Variants in MAML3 observed in about 807,000 individuals in gnomAD.
The protein encoded by MAML3 is mastermind like transcriptional coactivator 3, also known as mastermind-like protein 3.
In MAML3, 27 loss-of-function variants were observed where a neutral mutation model predicts 101.9. The observed-to-expected ratio is 0.27, with a 90% confidence interval of 0.20 to 0.37. MAML3 has a LOEUF of 0.37. MAML3 is among the 10% of genes least tolerant of loss of function. The pLI, the probability that MAML3 is intolerant of heterozygous loss-of-function variation, is 1.00. For missense variants in MAML3, 1,316 were observed against 1,444.9 expected (o/e 0.91, Z 1.45); for synonymous variants, 501 against 555.9 (o/e 0.90, Z 1.39).
At chr4:139,773,866 G>C (rs1020173600) in intron 2 of MAML3, among the ~76,000 whole-genome samples, 1 of 152,204 alleles carries the variant, frequency 6.6e-6, no homozygotes, top group African/African-American at 2.4e-5. Flanking sequence ...ACTTGAAGAA[G>C]ATGACTGAGA....
intron 2 of MAML3, among the ~76,000 whole-genome samples, chr4:139,827,536 G>A (rs970477500): frequency 6.6e-6 from 1 of 151,744 alleles, no homozygotes; most frequent in East Asian, 1.9e-4. Flanking sequence ...AGGACTAGGG[G>A]GGAAAAAACA....
chr4:139,960,196 G>A (rs1578617590), intron 1 of MAML3, among the ~76,000 whole-genome samples: 2 of 152,204 alleles, frequency 1.3e-5, no homozygotes, highest in East Asian at 1.9e-4. Flanking sequence ...TTGAATCTTG[G>A]AAGTACACAG....
At chr4:140,076,393 A>C (rs1377875573) in intron 1 of MAML3, among the ~76,000 whole-genome samples, 2 of 152,210 alleles carry the variant, frequency 1.3e-5, no homozygotes, top group Non-Finnish European at 2.9e-5. Context: ...AAGCTCAGGC[A>C]AACTTCCTGG....
At chr4:139,795,101 T>C (rs1730487577) in intron 2 of MAML3, among the ~76,000 whole-genome samples, 1 of 152,210 alleles carries the variant, frequency 6.6e-6, no homozygotes, top group African/African-American at 2.4e-5. Flanking sequence ...GCTGAAGCGA[T>C]GGAAGATTTA....
chr4:139,888,752 G>A, intron 2 of MAML3: 2 of 473,778 alleles, frequency 4.2e-6, no homozygotes, highest in South Asian at 3.0e-5. Flanking sequence ...GCACTCCCAA[G>A]TAAGAAGACT....
rs58270046 is a variant in MAML3 at position 139,863,832 on chromosome 4, G to GTTTTTTTTTTTTTTTT, written c.2079+25509_2079+25524dup. ...TTTCTGTGGTAATACCAGAACATGG[G>GTTTTTTTTTTTTTTTT]TTTTTTTTTTTTTTTTTTTTTTTTG... On this transcript the variant is annotated intron_variant, in intron 2 of 4. Transcript: ENST00000509479. Among the ~76,000 whole-genome samples, 30 of 111,292 alleles carry GTTTTTTTTTTTTTTTT rather than the reference G, an allele frequency of 2.7e-4. 4 individuals are homozygous for GTTTTTTTTTTTTTTTT. Among genetic ancestry groups the GTTTTTTTTTTTTTTTT allele is most frequent in the South Asian group, 1.5e-3 (4 of 2,616 alleles). The allele number at this position is 111,292 out of a possible 152,430, so 73.0% of individuals were successfully genotyped here. A position where few individuals can be genotyped will look rare whatever the true frequency, so the allele number is the denominator to read the frequency against.
At chr4:140,079,279 T>G (rs1392566662) in intron 1 of MAML3, among the ~76,000 whole-genome samples, 1 of 152,162 alleles carries the variant, frequency 6.6e-6, no homozygotes, top group Non-Finnish European at 1.5e-5. Flanking sequence ...ATAGTTCTAT[T>G]AATTAATTAA....
At chr4:139,724,619 T>C (rs1728390816) in intron 4 of MAML3, among the ~76,000 whole-genome samples, 1 of 152,158 alleles carries the variant, frequency 6.6e-6, no homozygotes, top group Middle Eastern at 3.2e-3. Flanking sequence ...TTTGAGAAGC[T>C]AGGACACATT....
intron 1 of MAML3, among the ~76,000 whole-genome samples, chr4:140,114,221 C>CTT (rs1381581443): frequency 2.0e-5 from 3 of 152,162 alleles, no homozygotes; most frequent in African/African-American, 7.2e-5. Flanking sequence ...GCCAATCATA[C>CTT]TTTTGTGTAA....
intron 2 of MAML3, among the ~76,000 whole-genome samples, chr4:139,808,309 C>T (rs1422802236): frequency 1.3e-5 from 2 of 152,236 alleles, no homozygotes; most frequent in African/African-American, 4.8e-5. Flanking sequence ...CTGGTGGCCT[C>T]AATATTTTCA....
intron 2 of MAML3, among the ~76,000 whole-genome samples, chr4:139,854,958 A>G (rs1175358974): frequency 1.3e-5 from 2 of 152,294 alleles, no homozygotes; most frequent in East Asian, 3.9e-4. Context: ...GCCTCCTTCT[A>G]TTTCCTAAAT....
intron 1 of MAML3, among the ~76,000 whole-genome samples, chr4:139,905,902 T>G (rs1034507721): frequency 6.6e-6 from 1 of 152,160 alleles, no homozygotes; most frequent in Non-Finnish European, 1.5e-5. Flanking sequence ...TTTGAGAAAC[T>G]GGGGAGTAGG....
chr4:140,151,335 G>A (rs1729163222), intron 1 of MAML3, among the ~76,000 whole-genome samples: 2 of 152,040 alleles, frequency 1.3e-5, no homozygotes, highest in African/African-American at 4.8e-5. Flanking sequence ...GAGGAGGGAA[G>A]GATTCTTGAA....
At chr4:139,845,510 T>TA (rs1479260216) in intron 2 of MAML3, among the ~76,000 whole-genome samples, 3 of 152,210 alleles carry the variant, frequency 2.0e-5, no homozygotes, top group African/African-American at 7.2e-5. Flanking sequence ...CAGAGAGTTT[T>TA]GATAAATGCT....
chr4:140,078,784 TC>T (rs1191525772), intron 1 of MAML3, among the ~76,000 whole-genome samples: 1 of 151,898 alleles, frequency 6.6e-6, no homozygotes, highest in Non-Finnish European at 1.5e-5. Context: ...CGTGCCGGAC[TC>T]CAAGAAAAGG....
rs56361332 is a variant in MAML3 at position 139,864,923 on chromosome 4, CTTTTT to C, written c.2079+24429_2079+24433del. On this transcript the variant is annotated intron_variant, in intron 2 of 4. Transcript: ENST00000509479. ...TTAGGAAAATAGTAATGCAAACTTGCTTTTTTTTTTTTTTTTTTTTTTTTTTTTTT... is the reference window on the plus strand; with the variant it reads ...TTAGGAAAATAGTAATGCAAACTTGCTTTTTTTTTTTTTTTTTTTTTTTTT... 5.1e-3 allele frequency among the ~76,000 whole-genome samples: 316 copies of C among 62,460 alleles called. 21 individuals carry two copies. Among genetic ancestry groups the C allele is most frequent in the African/African-American group, 0.017 (295 of 17,062 alleles). 41.0% of individuals were successfully genotyped at this position (62,460 alleles called of 152,430 possible). A position where few individuals can be genotyped will look rare whatever the true frequency, so the allele number is the denominator to read the frequency against.
intron 1 of MAML3, among the ~76,000 whole-genome samples, chr4:140,006,657 A>C (rs1420836105): frequency 6.6e-6 from 1 of 152,068 alleles, no homozygotes; most frequent in African/African-American, 2.4e-5. Flanking sequence ...GCAGAAAAAA[A>C]GGTGGTTAGC....
chr4:140,071,210 G>T (rs1727646207), intron 1 of MAML3, among the ~76,000 whole-genome samples: 1 of 152,120 alleles, frequency 6.6e-6, no homozygotes. Flanking sequence ...TGTGTGCACA[G>T]ACTCCGCACA....
intron 1 of MAML3, among the ~76,000 whole-genome samples, chr4:140,051,200 T>G (rs72935742): frequency 1.8e-4 from 28 of 152,290 alleles, no homozygotes; most frequent in African/African-American, 6.7e-4. Flanking sequence ...TACCCTAAAA[T>G]AGACACTGAG....
Sources: gnomAD v4.1 joint callset for allele counts (sites outside exome capture counted in the v4.1 genomes callset) on GRCh38, gnomAD v4.1.1 for gene constraint, MANE v1.5 for transcripts, NCBI Gene and HGNC (gene_info 2026-07-23, HGNC 2026-07-21) for gene names.